The following SCAPER variants were observed in gnomAD, a reference collection of about 807,000 sequenced individuals.
The protein encoded by SCAPER is S phase cyclin A-associated protein in the endoplasmic reticulum.
In SCAPER, 98 loss-of-function variants were observed where a neutral mutation model predicts 182.2. The ratio of observed to expected loss-of-function variants is 0.54; its 90% CI spans 0.46 to 0.64. The LOEUF (loss-of-function observed/expected upper bound fraction) is 0.64. Among genes scored for constraint, SCAPER ranks in the 30% least tolerant of loss-of-function variants. SCAPER has a pLI of 0.00. For synonymous variants in SCAPER, 605 were observed against 564.6 expected (o/e 1.07, Z -1.01); for missense variants, 1,432 against 1,690.0 (o/e 0.85, Z 2.68).
chr15:76,608,089 C>A (rs1302521904), intron 22 of SCAPER, among the ~76,000 whole-genome samples: 1 of 152,160 alleles, frequency 6.6e-6, no homozygotes, highest in Admixed American at 6.5e-5. Context: ...GGAGGAGAGG[C>A]GCTCTGATTT....
chr15:76,790,305 T>A (rs1415786368), intron 8 of SCAPER, among the ~76,000 whole-genome samples: 1 of 152,120 alleles, frequency 6.6e-6, no homozygotes, highest in Non-Finnish European at 1.5e-5. Flanking sequence ...GATATTAAGG[T>A]TACATTGGCA....
chr15:76,832,735 A>G (rs1266238384), intron 5 of SCAPER, among the ~76,000 whole-genome samples: 4 of 152,038 alleles, frequency 2.6e-5, no homozygotes, highest in Admixed American at 6.6e-5. Context: ...CTGGTTGCTT[A>G]AAGTGTGTGG....
intron 8 of SCAPER, among the ~76,000 whole-genome samples, chr15:76,786,243 C>T (rs554443921): frequency 2.0e-5 from 3 of 148,374 alleles, no homozygotes; most frequent in African/African-American, 7.4e-5. Context: ...AGGAGAATCA[C>T]TTGAACCCAA....
chr15:76,543,050 G>A (rs2044918792), intron 23 of SCAPER, among the ~76,000 whole-genome samples: 1 of 151,940 alleles, frequency 6.6e-6, no homozygotes, highest in Admixed American at 6.6e-5. Flanking sequence ...GTACATAATA[G>A]TTGTATATCT....
rs573565387 is a variant in SCAPER at position 76,383,026 on chromosome 15, C to T, written c.3468-1411G>A. Among the ~76,000 whole-genome samples, 14 of 152,038 alleles carry T rather than the reference C, an allele frequency of 9.2e-5. No homozygotes were observed. In the South Asian group the frequency reaches 2.9e-3, roughly 32 times the overall value. On this transcript the variant is annotated intron_variant, in intron 27 of 31. Transcript: ENST00000563290. ...TTATGTTTCTGTCATGGCATAATAC[C>T]TTTCCCTACTTTTTAACACTACGAG...
chr15:76,503,670 AT>A (rs1011627630), intron 24 of SCAPER, among the ~76,000 whole-genome samples: 1 of 152,134 alleles, frequency 6.6e-6, no homozygotes, highest in African/African-American at 2.4e-5. Context: ...GATTACATTT[AT>A]TTTTCCAAAT....
At chr15:76,591,199 A>G (rs1483604978) in intron 22 of SCAPER, among the ~76,000 whole-genome samples, 1 of 152,124 alleles carries the variant, frequency 6.6e-6, no homozygotes, top group Non-Finnish European at 1.5e-5. Flanking sequence ...AAAAAAAGAA[A>G]AAGAAAAATG....
intron 17 of SCAPER, among the ~76,000 whole-genome samples, chr15:76,707,092 G>T (rs947967248): frequency 6.6e-6 from 1 of 151,908 alleles, no homozygotes; most frequent in African/African-American, 2.4e-5. Flanking sequence ...TCCTGAAGTA[G>T]AATATAGTAA....
chr15:76,655,133 C>T (rs1170232660), intron 21 of SCAPER, among the ~76,000 whole-genome samples: 1 of 152,048 alleles, frequency 6.6e-6, no homozygotes, highest in Admixed American at 6.5e-5. Flanking sequence ...TGAACTGAAT[C>T]CAATGATTCT....
chr15:76,893,446 G>GA (rs1322607551), intron 1 of SCAPER, among the ~76,000 whole-genome samples: 1 of 151,862 alleles, frequency 6.6e-6, no homozygotes, highest in Non-Finnish European at 1.5e-5. Flanking sequence ...AAAGGAAAAA[G>GA]AGACAGCAAT....
intron 20 of SCAPER, among the ~76,000 whole-genome samples, chr15:76,697,920 G>A (rs1355390958): frequency 6.6e-6 from 1 of 152,010 alleles, no homozygotes; most frequent in Non-Finnish European, 1.5e-5. Context: ...GATTACAGGC[G>A]TGAGCCACCG....
At chr15:76,389,560 T>TC (rs1257318464) in intron 27 of SCAPER, among the ~76,000 whole-genome samples, 1 of 117,732 alleles carries the variant, frequency 8.5e-6, no homozygotes, top group African/African-American at 3.3e-5. Flanking sequence ...ACACCTGTAA[T>TC]CCCAGCACTT....
intron 14 of SCAPER, among the ~76,000 whole-genome samples, chr15:76,759,797 C>A (rs1289577050): frequency 6.6e-6 from 1 of 152,172 alleles, no homozygotes; most frequent in East Asian, 1.9e-4. Flanking sequence ...ACCATACTTA[C>A]ATTCCAGAGA....
At chr15:76,468,223 C>T (rs900244074) in intron 25 of SCAPER, among the ~76,000 whole-genome samples, 3 of 152,046 alleles carry the variant, frequency 2.0e-5, no homozygotes, top group African/African-American at 7.2e-5. Context: ...CCTTCACTCA[C>T]TGCCACAAAC....
rs113979749 is a variant in SCAPER, at chr15:76,815,603, C to T, written c.394-10970G>A. ...ACAAACCTGTATGGCAGGAACCTGA[C>T]CCGCACAACAGGAGGTGAGCAGTGG... is the stretch of plus-strand genomic sequence containing the variant. On this transcript the variant is annotated intron_variant, in intron 5 of 31. Coordinates refer to ENST00000563290, the MANE Select transcript of SCAPER (RefSeq NM_020843.4). Among the ~76,000 whole-genome samples the T allele has an allele frequency of 1.7e-3, 256 of 152,290 alleles. 2 individuals are homozygous for T. The highest frequency in any genetic ancestry group is 0.014 in the Middle Eastern group (4 of 294).
chr15:76,561,579 G>A (rs1054231155), intron 23 of SCAPER, among the ~76,000 whole-genome samples: 3 of 151,986 alleles, frequency 2.0e-5, no homozygotes, highest in Non-Finnish European at 4.4e-5. Flanking sequence ...ACTTTTCTTA[G>A]CACTGTTTTA....
At chr15:76,796,215 A>T (rs1314523606) in intron 7 of SCAPER, among the ~76,000 whole-genome samples, 2 of 152,188 alleles carry the variant, frequency 1.3e-5, no homozygotes, top group Non-Finnish European at 2.9e-5. Context: ...TTTAAAGTGG[A>T]GTGAAAATTC....
chr15:76,685,861 A>C (rs896500926), intron 20 of SCAPER, among the ~76,000 whole-genome samples: 3 of 152,116 alleles, frequency 2.0e-5, no homozygotes, highest in African/African-American at 7.2e-5. Context: ...GAAATGTAGC[A>C]TAAAACAGAG....
chr15:76,497,548 C>T lies in SCAPER; in HGVS notation c.2954+7311G>A, dbSNP rs116472327. Among the ~76,000 whole-genome samples, 1,371 of 151,784 alleles carry T rather than the reference C, an allele frequency of 9.0e-3. 23 individuals are homozygous for T. Among genetic ancestry groups the T allele is most frequent in the African/African-American group, 0.032 (1,332 of 41,396 alleles). On this transcript the variant is annotated intron_variant, in intron 24 of 31. Coordinates refer to ENST00000563290, the MANE Select transcript of SCAPER (RefSeq NM_020843.4). ...GGAGAAGGTGATTATGGCAAGCCAA[C>T]AAGAAAGAAGAAAAGGTAACAAGGA...
Sources: gnomAD v4.1 joint callset for allele counts (sites outside exome capture counted in the v4.1 genomes callset) on GRCh38, gnomAD v4.1.1 for gene constraint, MANE v1.5 for transcripts, NCBI Gene and HGNC (gene_info 2026-07-23, HGNC 2026-07-21) for gene names.